LRRC4C: variants seen among roughly 807,000 people sequenced by gnomAD.
LRRC4C encodes the protein leucine rich repeat containing 4C, also known as leucine-rich repeat-containing protein 4C.
Under a neutral mutation model 33.6 loss-of-function variants are expected in LRRC4C, and 5 were observed. The ratio of observed to expected loss-of-function variants is 0.15; its 90% CI spans 0.08 to 0.31. LRRC4C has a LOEUF of 0.31. LRRC4C is among the 10% of genes least tolerant of loss of function. LRRC4C has a pLI of 1.00. For synonymous variants in LRRC4C, 329 were observed against 302.0 expected (o/e 1.09, Z -0.93); for missense variants, 560 against 796.7 (o/e 0.70, Z 3.58).
chr11:40,191,120 A>C (rs1178133275), intron 5 of LRRC4C, among the ~76,000 whole-genome samples: 1 of 152,150 alleles, frequency 6.6e-6, no homozygotes, highest in Non-Finnish European at 1.5e-5. Flanking sequence ...TAATTTTACA[A>C]ATGAGGAAAC....
At chr11:40,210,024 T>G (rs1863465795) in intron 5 of LRRC4C, among the ~76,000 whole-genome samples, 1 of 151,998 alleles carries the variant, frequency 6.6e-6, no homozygotes, top group Non-Finnish European at 1.5e-5. Context: ...GTGAGACAGG[T>G]TCAAGAGTGG....
intron 2 of LRRC4C, among the ~76,000 whole-genome samples, chr11:40,885,088 GT>G (rs1955386204): frequency 6.6e-6 from 1 of 151,950 alleles, no homozygotes; most frequent in African/African-American, 2.4e-5. Context: ...ATTATGCATT[GT>G]ATCCTTGTTA....
At chr11:40,295,335 T>C (rs917514473) in intron 4 of LRRC4C, among the ~76,000 whole-genome samples, 2 of 152,084 alleles carry the variant, frequency 1.3e-5, no homozygotes, top group African/African-American at 4.8e-5. Flanking sequence ...TATATATATA[T>C]GGAATAGATT....
chr11:41,286,121 G>A (rs533143547), intron 1 of LRRC4C, among the ~76,000 whole-genome samples: 2 of 152,192 alleles, frequency 1.3e-5, no homozygotes, highest in East Asian at 1.9e-4. Context: ...GAGCCACCAC[G>A]CCCGCCTAGT....
In LRRC4C at chr11:41,048,466, T is replaced by G. The variant is rs192220808; in HGVS notation, c.-495-114743A>C. On this transcript the variant is annotated intron_variant, in intron 1 of 6. Coordinates refer to ENST00000528697, the MANE Select transcript of LRRC4C (RefSeq NM_001258419.2). ...TTTTAGTAGAGACGGGGTTTCACCA[T>G]GTTGGCCAAGATAGTCTTGATCTCC... is the stretch of plus-strand genomic sequence containing the variant. 2.0e-3 allele frequency among the ~76,000 whole-genome samples: 308 copies of G among 152,142 alleles called. 3 individuals are homozygous for G. Among genetic ancestry groups the G allele is most frequent in the African/African-American group, 7.1e-3 (296 of 41,534 alleles).
chr11:41,264,095 ATT>A (rs371070496), intron 1 of LRRC4C, among the ~76,000 whole-genome samples: 48 of 142,738 alleles, frequency 3.4e-4, no homozygotes, highest in South Asian at 8.8e-4. Flanking sequence ...CTTTTTATTA[ATT>A]TTTTTTTTTT....
At chr11:41,047,221 C>T (rs903276146) in intron 1 of LRRC4C, among the ~76,000 whole-genome samples, 1 of 152,006 alleles carries the variant, frequency 6.6e-6, no homozygotes, top group Non-Finnish European at 1.5e-5. Flanking sequence ...TTTGAATAGA[C>T]ATTCTAGTTG....
At chr11:41,121,559 G>A (rs1381000791) in intron 1 of LRRC4C, among the ~76,000 whole-genome samples, 1 of 152,104 alleles carries the variant, frequency 6.6e-6, no homozygotes, top group African/African-American at 2.4e-5. Context: ...ATCATTAAAT[G>A]TTAGATAATT....
chr11:40,500,647 A>G lies in LRRC4C; in HGVS notation c.-270+147495T>C, dbSNP rs77440409. Among the ~76,000 whole-genome samples the G allele has an allele frequency of 1.1e-3, 175 of 152,212 alleles. No individual in the cohort carries two copies. In the Middle Eastern group the frequency reaches 0.017, roughly 15 times the overall value. The stretch of plus-strand genomic sequence containing the variant: ...ACTTATTCAGTACCACAGGTACAGT[A>G]CGGGAGAAACTGCCCCGATAGTTCA... On this transcript the variant is annotated intron_variant, in intron 3 of 6. Transcript: ENST00000528697.
intron 1 of LRRC4C, among the ~76,000 whole-genome samples, chr11:41,408,500 C>T (rs1226185236): frequency 1.3e-5 from 2 of 152,016 alleles, no homozygotes; most frequent in African/African-American, 4.8e-5. Flanking sequence ...TCATCTATCC[C>T]ACCTGTACCT....
chr11:40,687,438 G>C (rs959928499), intron 2 of LRRC4C, among the ~76,000 whole-genome samples: 2 of 151,964 alleles, frequency 1.3e-5, no homozygotes, highest in Non-Finnish European at 2.9e-5. Context: ...TTTTCAATGA[G>C]AGTGTAGTGC....
intron 3 of LRRC4C, among the ~76,000 whole-genome samples, chr11:40,517,304 G>T (rs902585524): frequency 6.6e-6 from 1 of 152,120 alleles, no homozygotes; most frequent in South Asian, 2.1e-4. Flanking sequence ...AGGTTCAATC[G>T]ATGACTTTTC....
At chr11:40,205,973 CAT>C (rs966871359) in intron 5 of LRRC4C, among the ~76,000 whole-genome samples, 2 of 152,074 alleles carry the variant, frequency 1.3e-5, no homozygotes, top group African/African-American at 4.8e-5. Flanking sequence ...ATTTTCACAA[CAT>C]ATATTTTATT....
chr11:40,402,743 T>C (rs1306933608), intron 3 of LRRC4C, among the ~76,000 whole-genome samples: 1 of 152,170 alleles, frequency 6.6e-6, no homozygotes, highest in Non-Finnish European at 1.5e-5. Flanking sequence ...GAGAAATTTA[T>C]ATATACCCAG....
intron 2 of LRRC4C, among the ~76,000 whole-genome samples, chr11:40,702,134 A>G (rs1033874735): frequency 4.6e-5 from 7 of 152,074 alleles, no homozygotes; most frequent in African/African-American, 1.7e-4. Flanking sequence ...AATATTATGC[A>G]TTTGGGAGTT....
intron 1 of LRRC4C, among the ~76,000 whole-genome samples, chr11:40,997,299 A>G (rs1014115405): frequency 2.0e-5 from 3 of 152,128 alleles, no homozygotes; most frequent in African/African-American, 4.8e-5. Context: ...AAGGAAAACT[A>G]TAAGAGACAG....
At chr11:40,837,292 G>A (rs1270123644) in intron 2 of LRRC4C, among the ~76,000 whole-genome samples, 2 of 151,760 alleles carry the variant, frequency 1.3e-5, no homozygotes, top group South Asian at 4.2e-4. Context: ...ATCAATCCCC[G>A]CTATATTAAA....
chr11:40,625,501 TG>T (rs1475366985), intron 3 of LRRC4C, among the ~76,000 whole-genome samples: 2 of 152,078 alleles, frequency 1.3e-5, no homozygotes, highest in African/African-American at 2.4e-5. Context: ...GAGAACAGCA[TG>T]GGGGAAAACC....
chr11:40,225,682 T>A (rs1171042325), intron 5 of LRRC4C, among the ~76,000 whole-genome samples: 1 of 150,980 alleles, frequency 6.6e-6, no homozygotes, highest in Non-Finnish European at 1.5e-5. Context: ...AATGGCACGA[T>A]CTCGGCTCAC....
Sources: gnomAD v4.1 joint callset for allele counts (sites outside exome capture counted in the v4.1 genomes callset) on GRCh38, gnomAD v4.1.1 for gene constraint, MANE v1.5 for transcripts, NCBI Gene and HGNC (gene_info 2026-07-23, HGNC 2026-07-21) for gene names.